The following ABLIM1 variants were observed in gnomAD, a reference collection of about 807,000 sequenced individuals.
ABLIM1 encodes actin binding LIM protein 1.
A neutral mutation model predicts 107.0 loss-of-function variants in ABLIM1; 40 were observed. The ratio of observed to expected loss-of-function variants is 0.37; its 90% CI spans 0.29 to 0.49. The LOEUF (loss-of-function observed/expected upper bound fraction) is 0.49. ABLIM1 is among the 20% of genes least tolerant of loss of function. ABLIM1 has a pLI of 0.97. For missense variants in ABLIM1, 857 were observed against 1,008.5 expected (o/e 0.85, Z 2.04); for synonymous variants, 357 against 357.3 (o/e 1.00, Z 0.01).
intron 2 of ABLIM1, among the ~76,000 whole-genome samples, chr10:114,599,886 CTA>C (rs1348895258): frequency 2.0e-5 from 3 of 151,984 alleles, no homozygotes; most frequent in Non-Finnish European, 4.4e-5. Context: ...CATACCAAAT[CTA>C]TCCTTTGAGC....
rs183784188 is a variant in ABLIM1, at chr10:114,734,767, C to T, written c.-213+33294G>A. 2.7e-4 allele frequency among the ~76,000 whole-genome samples: 41 copies of T among 152,276 alleles called. 1 individual carries two copies. Among genetic ancestry groups the T allele is most frequent in the Non-Finnish European group, 1.3e-4 (9 of 68,024 alleles). On this transcript the variant is annotated intron_variant, in intron 1 of 15. Coordinates refer to the ABLIM1 transcript ENST00000651092. Reference sequence around the variant, plus strand: ...GGGATAAATCCTCTTCACAACCAAACGGGAGGTTTCCTGAGGGTTGGGTTT... The same window carrying T: ...GGGATAAATCCTCTTCACAACCAAATGGGAGGTTTCCTGAGGGTTGGGTTT...
chr10:114,675,669 T>C (rs901234055), intron 1 of ABLIM1, among the ~76,000 whole-genome samples: 2 of 152,242 alleles, frequency 1.3e-5, no homozygotes, highest in African/African-American at 4.8e-5. Flanking sequence ...CAGGACCTTA[T>C]GCATTAGCTA....
At chr10:114,693,613 T>C (rs1343125491) in intron 1 of ABLIM1, among the ~76,000 whole-genome samples, 2 of 152,138 alleles carry the variant, frequency 1.3e-5, no homozygotes, top group African/African-American at 2.4e-5. Context: ...GTTGCTGATA[T>C]AATTTTAAGC....
At chr10:114,515,974 T>A (rs1285448957) in intron 6 of ABLIM1, among the ~76,000 whole-genome samples, 1 of 152,232 alleles carries the variant, frequency 6.6e-6, no homozygotes, top group Non-Finnish European at 1.5e-5. Flanking sequence ...TTGTCTTTTT[T>A]AAAACATCCA....
chr10:114,709,285 G>T (rs2081492988), intron 1 of ABLIM1, among the ~76,000 whole-genome samples: 1 of 152,220 alleles, frequency 6.6e-6, no homozygotes, highest in Non-Finnish European at 1.5e-5. Context: ...ACTGGAGTTT[G>T]TTACGTAGTG....
chr10:114,639,044 C>T (rs2078615128), intron 1 of ABLIM1, among the ~76,000 whole-genome samples: 1 of 152,216 alleles, frequency 6.6e-6, no homozygotes. Context: ...ACAAAGCCTA[C>T]ATTTGTTCCC....
At chr10:114,605,760 A>G (rs1414849326) in intron 1 of ABLIM1, among the ~76,000 whole-genome samples, 2 of 152,178 alleles carry the variant, frequency 1.3e-5, no homozygotes, top group East Asian at 1.9e-4. Context: ...CCTCCACTGC[A>G]GAATACCCAG....
At chr10:114,794,540 A>T in the ABLIM1 span, among the ~76,000 whole-genome samples, 13 of 152,252 alleles carry the variant, frequency 8.5e-5, no homozygotes, top group Non-Finnish European at 8.8e-5. Context: ...CTGAAAAATG[A>T]GATACAACTA....
intron 1 of ABLIM1, among the ~76,000 whole-genome samples, chr10:114,634,676 T>C (rs190268461): frequency 1.3e-5 from 2 of 152,174 alleles, no homozygotes; most frequent in East Asian, 1.9e-4. Context: ...TTCAGAGAGA[T>C]TTTCCCCCCG....
chr10:114,523,391 T>C (rs2064081594), intron 6 of ABLIM1, among the ~76,000 whole-genome samples: 1 of 152,066 alleles, frequency 6.6e-6, no homozygotes, highest in East Asian at 1.9e-4. Context: ...ACAGGACACA[T>C]AGATCAACAA....
intron 1 of ABLIM1, among the ~76,000 whole-genome samples, chr10:114,679,386 GC>G: frequency 6.6e-6 from 1 of 152,072 alleles, no homozygotes; most frequent in East Asian, 1.9e-4. Context: ...TGTAATCCCA[GC>G]ACTCTGGGAG....
intron 1 of ABLIM1, among the ~76,000 whole-genome samples, chr10:114,725,690 C>T (rs377759019): frequency 4.6e-5 from 7 of 150,600 alleles, no homozygotes; most frequent in East Asian, 1.9e-4. Flanking sequence ...CGGTTTCTAC[C>T]GTTCACTATA....
rs540011741 is a variant in ABLIM1, at chr10:114,512,789, C to T, written c.895-20911G>A. 3.4e-5 allele frequency among the ~76,000 whole-genome samples: 5 copies of T among 147,468 alleles called. No individual in the cohort carries two copies. The East Asian group carries it at 6.1e-4, about 18-fold the overall frequency. ...GCGGTGAGCCGAGATCGTGCCACTG[C>T]ATTCCAGCCTGGGTGACAGAGTGAG... On this transcript the variant is annotated intron_variant, in intron 6 of 22. Transcript: ENST00000533213.
At chr10:114,603,080 T>C (rs1050325330) in intron 1 of ABLIM1, among the ~76,000 whole-genome samples, 1 of 152,192 alleles carries the variant, frequency 6.6e-6, no homozygotes, top group African/African-American at 2.4e-5. Flanking sequence ...ATGAGCATTA[T>C]ATGGGACAAG....
chr10:114,573,467 A>G (rs1292775049), intron 3 of ABLIM1, among the ~76,000 whole-genome samples: 1 of 152,230 alleles, frequency 6.6e-6, no homozygotes, highest in Non-Finnish European at 1.5e-5. Context: ...GGACAGGGCC[A>G]TAGTTAATAA....
At chr10:114,697,221 C>T (rs1054226060) in intron 1 of ABLIM1, among the ~76,000 whole-genome samples, 16 of 152,218 alleles carry the variant, frequency 1.1e-4, no homozygotes, top group Admixed American at 2.0e-4. Context: ...CCTTCCCACA[C>T]TCCGCTCATC....
At chr10:114,559,979 C>T (rs556173837) in intron 4 of ABLIM1, among the ~76,000 whole-genome samples, 10 of 152,324 alleles carry the variant, frequency 6.6e-5, no homozygotes, top group Non-Finnish European at 1.3e-4. Context: ...ATGAACTCTG[C>T]TACCTGCCGT....
At chr10:114,504,984 T>C (rs1409429203) in intron 6 of ABLIM1, among the ~76,000 whole-genome samples, 1 of 150,428 alleles carries the variant, frequency 6.6e-6, no homozygotes, top group Admixed American at 6.6e-5. Flanking sequence ...CAGATGACTC[T>C]AAGCCATTTT....
intron 4 of ABLIM1, among the ~76,000 whole-genome samples, chr10:114,567,873 C>G (rs2070988852): frequency 6.6e-6 from 1 of 152,184 alleles, no homozygotes; most frequent in Non-Finnish European, 1.5e-5. Flanking sequence ...TGAACATTAT[C>G]AAGGGAGAGA....
Sources: gnomAD v4.1 joint callset for allele counts (sites outside exome capture counted in the v4.1 genomes callset) on GRCh38, gnomAD v4.1.1 for gene constraint, MANE v1.5 for transcripts, NCBI Gene and HGNC (gene_info 2026-07-23, HGNC 2026-07-21) for gene names.